RANBP17: variants seen among roughly 807,000 people sequenced by gnomAD.
The protein encoded by RANBP17 is RAN binding protein 17, also known as ran-binding protein 17.
A neutral mutation model predicts 141.2 loss-of-function variants in RANBP17; 158 were observed. The observed-to-expected ratio is 1.12, with a 90% confidence interval of 0.98 to 1.28. The LOEUF (loss-of-function observed/expected upper bound fraction) is 1.28. Among genes scored for constraint, RANBP17 ranks in the 50% most tolerant of loss-of-function variants. The probability of loss-of-function intolerance (pLI) is 0.00; values close to 1 mark genes in which losing one functional copy is unlikely to be tolerated. For missense variants in RANBP17, 1,438 were observed against 1,290.7 expected (o/e 1.11, Z -1.75); for synonymous variants, 430 against 450.0 (o/e 0.96, Z 0.56).
chr5:171,196,784 A>G (rs1226872616), intron 18 of RANBP17, among the ~76,000 whole-genome samples: 2 of 152,224 alleles, frequency 1.3e-5, no homozygotes, highest in East Asian at 3.9e-4. Context: ...CCAGACAGCT[A>G]ACAGTGGCAG....
chr5:171,214,513 G>C (rs1763097274), intron 21 of RANBP17, among the ~76,000 whole-genome samples: 1 of 152,140 alleles, frequency 6.6e-6, no homozygotes, highest in African/African-American at 2.4e-5. Flanking sequence ...TAAACTATGT[G>C]TTTAGAAGGG....
chr5:171,205,458 G>T, intron 19 of RANBP17, 66 bp from the exon 20 acceptor site: 1 of 1,313,004 alleles, frequency 7.6e-7, no homozygotes, highest in South Asian at 1.2e-5. Flanking sequence ...ATTATTGCCT[G>T]ATTATTACTC....
intron 14 of RANBP17, among the ~76,000 whole-genome samples, chr5:171,162,555 C>T (rs957821004): frequency 6.6e-6 from 1 of 152,118 alleles, no homozygotes; most frequent in African/African-American, 2.4e-5. Context: ...TCCAAAATTA[C>T]CAGCCTTGCT....
intron 14 of RANBP17, among the ~76,000 whole-genome samples, chr5:171,050,011 A>G (rs1782849675): frequency 6.6e-6 from 1 of 152,142 alleles, no homozygotes; most frequent in Non-Finnish European, 1.5e-5. Context: ...GAAGAATCAC[A>G]TTGGTAGTTG....
chr5:171,101,149 T>G (rs1306661216), intron 14 of RANBP17, among the ~76,000 whole-genome samples: 1 of 152,220 alleles, frequency 6.6e-6, no homozygotes, highest in Non-Finnish European at 1.5e-5. Context: ...AAGTCCTGAA[T>G]ATCCTTGCTA....
chr5:171,272,725 C>T (rs1425498868), intron 25 of RANBP17, among the ~76,000 whole-genome samples: 1 of 152,146 alleles, frequency 6.6e-6, no homozygotes, highest in Non-Finnish European at 1.5e-5. Context: ...CCCACTGGGG[C>T]CATCCTTAAG....
At chr5:170,891,323 G>T (rs1029676294) in intron 3 of RANBP17, among the ~76,000 whole-genome samples, 3 of 152,188 alleles carry the variant, frequency 2.0e-5, no homozygotes, top group Non-Finnish European at 2.9e-5. Context: ...TTAGAAGTGG[G>T]ACTCAGAAGG....
intron 25 of RANBP17, among the ~76,000 whole-genome samples, chr5:171,269,316 A>G (rs976369638): frequency 1.1e-4 from 17 of 152,216 alleles, no homozygotes; most frequent in African/African-American, 4.1e-4. Context: ...AGTAAAATTG[A>G]TAATTATTCA....
chr5:171,164,924 A>G (rs1759576737), intron 14 of RANBP17, among the ~76,000 whole-genome samples: 1 of 152,222 alleles, frequency 6.6e-6, no homozygotes, highest in Non-Finnish European at 1.5e-5. Context: ...TACAGATTAT[A>G]AGATTTTGTT....
At chr5:171,156,565 G>A (rs1445796) in intron 14 of RANBP17, among the ~76,000 whole-genome samples, 109,440 of 151,982 alleles carry the variant, frequency 0.72, 39,493 homozygotes, top group South Asian at 0.85. Context: ...AATTTGCCAA[G>A]ATGGTTAATA....
chr5:171,040,565 G>A (rs1200284130), intron 14 of RANBP17, among the ~76,000 whole-genome samples: 1 of 152,082 alleles, frequency 6.6e-6, no homozygotes, highest in East Asian at 1.9e-4. Flanking sequence ...GGTGAGATAT[G>A]AAGTTTTGGG....
chr5:171,127,397 C>G (rs1756555902), intron 14 of RANBP17, among the ~76,000 whole-genome samples: 1 of 152,124 alleles, frequency 6.6e-6, no homozygotes, highest in Admixed American at 6.5e-5. Context: ...TGTCTTTTCT[C>G]TAATAACTGG....
intron 14 of RANBP17, among the ~76,000 whole-genome samples, chr5:171,086,148 AATTT>A (rs1785633075): frequency 7.1e-6 from 1 of 140,488 alleles, no homozygotes; most frequent in African/African-American, 2.7e-5. Context: ...ATCAATACCT[AATTT>A]ATTGAGAGTT....
At chr5:171,121,871 A>T (rs538005472) in intron 14 of RANBP17, among the ~76,000 whole-genome samples, 8 of 152,254 alleles carry the variant, frequency 5.3e-5, no homozygotes, top group Admixed American at 3.3e-4. Context: ...GGTGCCTCTG[A>T]TCTCAAGATG....
chr5:170,867,312 T>C (rs1254953814), intron 1 of RANBP17, among the ~76,000 whole-genome samples: 1 of 152,216 alleles, frequency 6.6e-6, no homozygotes, highest in Non-Finnish European at 1.5e-5. Context: ...ATATTTGATC[T>C]CAGCTTTAGT....
chr5:171,161,088 G>A (rs185027604), intron 14 of RANBP17, among the ~76,000 whole-genome samples: 3 of 152,202 alleles, frequency 2.0e-5, no homozygotes, highest in East Asian at 1.9e-4. Flanking sequence ...CACCGCGCCC[G>A]GCTGAGATTC....
At chr5:171,161,977 C>T (rs1157414313) in intron 14 of RANBP17, among the ~76,000 whole-genome samples, 4 of 152,142 alleles carry the variant, frequency 2.6e-5, no homozygotes, top group Non-Finnish European at 5.9e-5. Context: ...GCTTCTTTGC[C>T]CTAAAATTTA....
At chr5:171,283,461 C>A (rs1375003418) in intron 25 of RANBP17, among the ~76,000 whole-genome samples, 4 of 152,210 alleles carry the variant, frequency 2.6e-5, no homozygotes, top group Non-Finnish European at 4.4e-5. Flanking sequence ...ATCTCAGTAG[C>A]GTCTTTGAAT....
At chr5:171,171,316 T>G in intron 16 of RANBP17, 30 bp downstream of exon 16, 1 of 1,270,178 alleles carries the variant, frequency 7.9e-7, no homozygotes, top group South Asian at 1.4e-5. Context: ...TCTGACATTA[T>G]GTGTAAACAA....
Sources: allele counts gnomAD v4.1 joint callset (sites outside exome capture counted in the v4.1 genomes callset), GRCh38; gene constraint gnomAD v4.1.1; transcripts MANE v1.5; gene names NCBI Gene and HGNC (gene_info 2026-07-23, HGNC 2026-07-21).